CPA6: variants seen among roughly 807,000 people sequenced by gnomAD.
The protein encoded by CPA6 is carboxypeptidase B.
A neutral mutation model predicts 63.3 loss-of-function variants in CPA6; 58 were observed. That is an observed-to-expected ratio of 0.92 (90% CI 0.74 to 1.14). The LOEUF is 1.14. CPA6 is among the 50% of genes most tolerant of loss of function. CPA6 has a pLI of 0.00. For missense variants in CPA6, 565 were observed against 526.6 expected, an observed-to-expected ratio of 1.07 and a Z score of -0.71; for synonymous variants, 185 against 179.0, an observed-to-expected ratio of 1.03 and a Z score of -0.27.
chr8:67,540,480 G>A (rs940161271), intron 2 of CPA6, among the ~76,000 whole-genome samples: 4 of 152,198 alleles, frequency 2.6e-5, no homozygotes, highest in African/African-American at 9.6e-5. Flanking sequence ...GGTGGCATGG[G>A]GGTCAGGGAC....
At chr8:67,656,468 A>G (rs1815987562) in intron 1 of CPA6, among the ~76,000 whole-genome samples, 1 of 152,218 alleles carries the variant, frequency 6.6e-6, no homozygotes, top group South Asian at 2.1e-4. Context: ...TTTAAGGCTC[A>G]TGGAGCACAG....
At chr8:67,451,131 C>T (rs1039382799) in intron 8 of CPA6, among the ~76,000 whole-genome samples, 4 of 152,136 alleles carry the variant, frequency 2.6e-5, no homozygotes, top group African/African-American at 9.7e-5. Flanking sequence ...GGTGCTTGTA[C>T]CTTAGACCAG....
intron 2 of CPA6, among the ~76,000 whole-genome samples, chr8:67,623,922 G>T (rs995844511): frequency 2.6e-5 from 4 of 151,962 alleles, no homozygotes; most frequent in Admixed American, 2.6e-4. Context: ...GCTTGAACCC[G>T]GGAGGTGGAG....
chr8:67,554,562 C>A (rs1177739902), intron 2 of CPA6, among the ~76,000 whole-genome samples: 1 of 152,124 alleles, frequency 6.6e-6, no homozygotes, highest in African/African-American at 2.4e-5. Flanking sequence ...ATCAGGGAGG[C>A]TGAGAAGTCC....
At chr8:67,591,110 C>T (rs1222767975) in intron 2 of CPA6, among the ~76,000 whole-genome samples, 1 of 151,700 alleles carries the variant, frequency 6.6e-6, no homozygotes, top group Non-Finnish European at 1.5e-5. Flanking sequence ...ATATGGCTAG[C>T]CAGTTTTCCC....
chr8:67,598,305 T>C (rs1277445621), intron 2 of CPA6, among the ~76,000 whole-genome samples: 1 of 152,336 alleles, frequency 6.6e-6, no homozygotes, highest in Admixed American at 6.5e-5. Context: ...TGCTTGCTTT[T>C]TGATGTTTTA....
intron 8 of CPA6, among the ~76,000 whole-genome samples, chr8:67,475,930 CTT>C (rs1811222116): frequency 2.8e-5 from 2 of 70,818 alleles, no homozygotes; most frequent in Admixed American, 1.5e-4. Context: ...TTCTTTCTTT[CTT>C]TCTCTTTCTT....
Position 67,746,137 on chromosome 8 carries a change from A to T in CPA6, c.-8T>A. ...CTTCCCGAGACACTTCATAGTGTTA[A>T]GAAGAGAGGAGTTGAAAGTTACTTA... is the stretch of plus-strand genomic sequence containing the variant. On this transcript the variant is annotated 5_prime_UTR_variant, in exon 1 of 11. Transcript: ENST00000297770. The T allele has an allele frequency of 6.2e-7, 1 of 1,602,644 alleles. No homozygotes were observed. Among genetic ancestry groups the T allele is most frequent in the South Asian group, 1.1e-5 (1 of 90,064 alleles).
chr8:67,700,099 T>A (rs953457800), intron 1 of CPA6, among the ~76,000 whole-genome samples: 5 of 152,344 alleles, frequency 3.3e-5, no homozygotes, highest in East Asian at 1.9e-4. Context: ...TGAGTTTTTT[T>A]AAACATACTT....
intron 1 of CPA6, among the ~76,000 whole-genome samples, chr8:67,691,648 T>C (rs944859002): frequency 3.7e-4 from 56 of 152,212 alleles, no homozygotes; most frequent in African/African-American, 1.3e-3. Flanking sequence ...ACTATGTTGA[T>C]TTGTGATATT....
chr8:67,725,507 T>C (rs1817580197), intron 1 of CPA6, among the ~76,000 whole-genome samples: 1 of 152,194 alleles, frequency 6.6e-6, no homozygotes, highest in Admixed American at 6.5e-5. Context: ...ACATTGTTAC[T>C]TAATGTACCA....
intron 1 of CPA6, among the ~76,000 whole-genome samples, chr8:67,683,867 C>T (rs997378838): frequency 6.6e-6 from 1 of 151,402 alleles, no homozygotes; most frequent in Admixed American, 6.6e-5. Flanking sequence ...CTCTGTTGCC[C>T]AGGCTGGAGT....
intron 8 of CPA6, among the ~76,000 whole-genome samples, chr8:67,455,996 T>C (rs1044046321): frequency 2.6e-5 from 4 of 152,206 alleles, no homozygotes; most frequent in Non-Finnish European, 5.9e-5. Flanking sequence ...ATTACAAGCA[T>C]GAGCCATTAT....
At chr8:67,452,320 A>G (rs1810574602) in intron 8 of CPA6, 1 of 152,250 alleles carries the variant, frequency 6.6e-6, no homozygotes, top group African/African-American at 2.4e-5. Flanking sequence ...TTGACCTCCT[A>G]GTTGAAATAT....
At chr8:67,716,253 A>C (rs544565561) in intron 1 of CPA6, among the ~76,000 whole-genome samples, 1 of 151,752 alleles carries the variant, frequency 6.6e-6, no homozygotes, top group Admixed American at 6.6e-5. Flanking sequence ...AATGAGTCTG[A>C]GACCTAATAG....
intron 1 of CPA6, among the ~76,000 whole-genome samples, chr8:67,633,728 T>C (rs1327484436): frequency 1.3e-5 from 2 of 152,060 alleles, no homozygotes; most frequent in Admixed American, 1.3e-4. Flanking sequence ...TTTTCTTATC[T>C]AGTGGTTTGC....
chr8:67,541,926 G>A (rs1488785711), intron 2 of CPA6, among the ~76,000 whole-genome samples: 1 of 152,208 alleles, frequency 6.6e-6, no homozygotes. Flanking sequence ...AGCTGCGGAC[G>A]AGAGCTGTTC....
intron 1 of CPA6, among the ~76,000 whole-genome samples, chr8:67,709,663 G>C (rs1817213078): frequency 6.6e-6 from 1 of 152,184 alleles, no homozygotes; most frequent in Non-Finnish European, 1.5e-5. Context: ...ACCTGAAGTG[G>C]TCAGGTCATA....
chr8:67,446,377 G>A (rs1393573007), intron 8 of CPA6, among the ~76,000 whole-genome samples: 1 of 151,240 alleles, frequency 6.6e-6, no homozygotes, highest in Non-Finnish European at 1.5e-5. Context: ...GCTGGTCCTC[G>A]GCCTTCCAAA....
Sources: allele counts gnomAD v4.1 joint callset (sites outside exome capture counted in the v4.1 genomes callset), GRCh38; gene constraint gnomAD v4.1.1; transcripts MANE v1.5; gene names NCBI Gene and HGNC (gene_info 2026-07-23, HGNC 2026-07-21).